ZFHX3: variants seen among roughly 807,000 people sequenced by gnomAD.
The protein encoded by ZFHX3 is zinc finger homeobox protein 3.
A neutral mutation model predicts 279.1 loss-of-function variants in ZFHX3; 42 were observed. The observed-to-expected ratio is 0.15, with a 90% CI of 0.12 to 0.19. ZFHX3 has a LOEUF of 0.19. Ranked by LOEUF, ZFHX3 falls within the 10% of genes least tolerant of loss-of-function variation. The pLI is 1.00. For synonymous variants in ZFHX3, 2,293 were observed against 1,957.8 expected (o/e 1.17, Z -4.52); for missense variants, 4,981 against 4,754.0 (o/e 1.05, Z -1.40).
Position 73,795,615 on chromosome 16 carries a change from G to A in ZFHX3, c.-1608+96036C>T, listed in dbSNP as rs538280400. Among the ~76,000 whole-genome samples, 9 of 152,258 alleles carry A rather than the reference G, an allele frequency of 5.9e-5. No individual in the cohort carries two copies. In the East Asian group the frequency reaches 9.7e-4, roughly 16 times the overall value. On this transcript the variant is annotated intron_variant, in intron 1 of 17. Transcript: ENST00000641206. ...TGATTGTCCCTAGGAAGAGCAGTAC[G>A]ACATGACAGGTGTCCTACAGAATCA... is the stretch of plus-strand genomic sequence containing the variant.
intron 5 of ZFHX3, among the ~76,000 whole-genome samples, chr16:73,165,003 TG>T (rs774873328): frequency 6.6e-6 from 1 of 152,320 alleles, no homozygotes; most frequent in Non-Finnish European, 1.5e-5. Context: ...TTGACAAGCA[TG>T]GGGATGCATA....
chr16:73,459,564 C>T (rs1417232716), intron 2 of ZFHX3, among the ~76,000 whole-genome samples: 1 of 152,102 alleles, frequency 6.6e-6, no homozygotes, highest in Non-Finnish European at 1.5e-5. Context: ...GATGGGGTTT[C>T]ACCATGTTGG....
At chr16:73,095,661 A>AT (rs1966152363) in intron 7 of ZFHX3, among the ~76,000 whole-genome samples, 1 of 152,186 alleles carries the variant, frequency 6.6e-6, no homozygotes, top group Non-Finnish European at 1.5e-5. Flanking sequence ...ATTTTTTATG[A>AT]TTTTATCATC....
chr16:73,806,540 G>A (rs1489524989), intron 1 of ZFHX3, among the ~76,000 whole-genome samples: 1 of 152,062 alleles, frequency 6.6e-6, no homozygotes, highest in African/African-American at 2.4e-5. Context: ...TCCCAAGAAG[G>A]GCAAGCTTAG....
chr16:73,410,085 G>A (rs1268104255), intron 3 of ZFHX3, among the ~76,000 whole-genome samples: 1 of 152,090 alleles, frequency 6.6e-6, no homozygotes, highest in Non-Finnish European at 1.5e-5. Context: ...GCACCATAAG[G>A]TGACTAAAGT....
In ZFHX3 at chr16:73,153,941, T is replaced by C. The variant is rs910741333; in HGVS notation, c.-1103-10110A>G. 1.9e-4 allele frequency among the ~76,000 whole-genome samples: 29 copies of C among 152,104 alleles called. 1 individual carries two copies. Among genetic ancestry groups the C allele is most frequent in the Admixed American group, 1.3e-3 (20 of 15,286 alleles). On this transcript the variant is annotated intron_variant, in intron 5 of 17. Transcript: ENST00000641206. ...GGATGGTCTTCATCTCTTGACCTCA[T>C]GATCCGCCCGCCCCAGCCTCCCAAA...
chr16:73,292,790 A>C (rs2014807200), intron 4 of ZFHX3, among the ~76,000 whole-genome samples: 1 of 152,140 alleles, frequency 6.6e-6, no homozygotes, highest in African/African-American at 2.4e-5. Flanking sequence ...TCTTGAGCCC[A>C]GGTAGGCTTG....
At chr16:73,439,006 A>G (rs541330161) in intron 3 of ZFHX3, among the ~76,000 whole-genome samples, 2 of 152,228 alleles carry the variant, frequency 1.3e-5, no homozygotes, top group Admixed American at 6.5e-5. Context: ...AAAGGAAAGG[A>G]TGGAGATTTG....
At chr16:73,530,627 A>G (rs1345369922) in intron 2 of ZFHX3, among the ~76,000 whole-genome samples, 1 of 152,128 alleles carries the variant, frequency 6.6e-6, no homozygotes, top group African/African-American at 2.4e-5. Context: ...ATTCTACACT[A>G]TGATTTTAAC....
chr16:72,898,782 G>T (rs999147934), intron 3 of ZFHX3, among the ~76,000 whole-genome samples: 91 of 148,360 alleles, frequency 6.1e-4, no homozygotes, highest in Admixed American at 5.9e-3. Flanking sequence ...TAGGTGCTTC[G>T]CCCATAGTAA....
intron 3 of ZFHX3, among the ~76,000 whole-genome samples, chr16:73,356,695 G>C (rs950049029): frequency 2.6e-5 from 4 of 152,064 alleles, no homozygotes; most frequent in African/African-American, 9.7e-5. Context: ...TTTCCATGGG[G>C]ATTAAGTAGA....
At chr16:73,436,063 C>T (rs533709897) in intron 3 of ZFHX3, among the ~76,000 whole-genome samples, 5 of 152,348 alleles carry the variant, frequency 3.3e-5, no homozygotes, top group African/African-American at 1.2e-4. Flanking sequence ...GGCGCGGTGG[C>T]TCACGCCTGT....
intron 6 of ZFHX3, among the ~76,000 whole-genome samples, chr16:73,136,822 C>T (rs941520014): frequency 1.3e-5 from 2 of 149,202 alleles, no homozygotes; most frequent in African/African-American, 2.5e-5. Flanking sequence ...GGAAGAAATG[C>T]TTTCTGCTGG....
intron 2 of ZFHX3, among the ~76,000 whole-genome samples, chr16:73,613,500 C>A (rs2143887864): frequency 6.6e-6 from 1 of 151,440 alleles, no homozygotes; most frequent in East Asian, 1.9e-4. Context: ...CTGAACAGTG[C>A]ACTTACTAGG....
chr16:73,553,390 T>C (rs563035121), intron 2 of ZFHX3, among the ~76,000 whole-genome samples: 47 of 152,292 alleles, frequency 3.1e-4, no homozygotes, highest in African/African-American at 1.1e-3. Context: ...AATATACAGA[T>C]TCCACAGTTT....
chr16:73,856,336 G>T lies in ZFHX3; in HGVS notation c.-1608+35315C>A, dbSNP rs1295464310. ...AAAGAAACAATAAAAATTTTAAATT[G>T]CCTCATTTCTGAAAAACAAGGTTGG... is the stretch of plus-strand genomic sequence containing the variant. On this transcript the variant is annotated intron_variant, in intron 1 of 17. Transcript: ENST00000641206. 2.0e-5 allele frequency among the ~76,000 whole-genome samples: 3 copies of T among 152,022 alleles called. No individual in the cohort carries two copies. In the East Asian group the frequency reaches 5.8e-4, roughly 29 times the overall value.
intron 1 of ZFHX3, among the ~76,000 whole-genome samples, chr16:73,807,238 A>G (rs1460924109): frequency 2.0e-5 from 3 of 152,134 alleles, no homozygotes; most frequent in Admixed American, 6.5e-5. Context: ...TCATTACTAT[A>G]CAAGCCTGTT....
At position 72,797,369 on chromosome 16, in the gene ZFHX3, C is replaced by T. The variant is rs778332201; in HGVS notation, c.5313G>A (p.Leu1771=). Residue 1771 remains leucine, a synonymous_variant, in exon 9 of 10, where the codon CTG becomes CTA. Transcript: ENST00000268489. ...AGTGAGGAAGGAGGGTGGGGTTAAA[C>T]AGCTGAGACTGGATCAGGGCAGCCT... ...QQQAALIQSQ[L]FNPTLLPHFP... The T allele has an allele frequency of 2.5e-6, 4 of 1,601,430 alleles. No homozygotes were observed. The highest frequency in any genetic ancestry group is 3.4e-6 in the Non-Finnish European group (4 of 1,173,554).
At chr16:72,888,621 C>T (rs777048746) in intron 4 of ZFHX3, among the ~76,000 whole-genome samples, 1 of 152,098 alleles carries the variant, frequency 6.6e-6, no homozygotes, top group Non-Finnish European at 1.5e-5. Flanking sequence ...AGTCAGAGGA[C>T]AAGAGAAAAA....
Sources: gnomAD v4.1 joint callset for allele counts (sites outside exome capture counted in the v4.1 genomes callset) on GRCh38, gnomAD v4.1.1 for gene constraint, MANE v1.5 for transcripts, NCBI Gene and HGNC (gene_info 2026-07-23, HGNC 2026-07-21) for gene names.